DLC1: variants seen among roughly 807,000 people sequenced by gnomAD.
DLC1 encodes rho GTPase-activating protein 7.
In DLC1, 54 loss-of-function variants were observed where a neutral mutation model predicts 140.3. That is an observed-to-expected ratio of 0.38 (90% CI 0.31 to 0.48). The LOEUF (loss-of-function observed/expected upper bound fraction) is 0.48. Among genes scored for constraint, DLC1 ranks in the 20% least tolerant of loss-of-function variants. DLC1 has a pLI of 0.96. For synonymous variants in DLC1, 986 were observed against 728.1 expected (o/e 1.35, Z -5.70); for missense variants, 2,536 against 1,907.0 (o/e 1.33, Z -6.14).
At chr8:13,418,950 C>G (rs893566029) in intron 2 of DLC1, among the ~76,000 whole-genome samples, 1 of 151,600 alleles carries the variant, frequency 6.6e-6, no homozygotes. Flanking sequence ...AGTTGGATTC[C>G]TAAGTATTTT....
intron 2 of DLC1, among the ~76,000 whole-genome samples, chr8:13,416,071 C>G (rs1838042222): frequency 6.6e-6 from 1 of 152,136 alleles, no homozygotes; most frequent in African/African-American, 2.4e-5. Flanking sequence ...AGCTGAGGGT[C>G]ATTTCTTTTT....
intron 5 of DLC1, among the ~76,000 whole-genome samples, chr8:13,213,690 G>C (rs1372697380): frequency 6.6e-6 from 1 of 151,964 alleles, no homozygotes; most frequent in Non-Finnish European, 1.5e-5. Context: ...CATGTCTGCT[G>C]TATGGACCCA....
chr8:13,299,396 C>T (rs538370932), intron 5 of DLC1, among the ~76,000 whole-genome samples: 1 of 148,910 alleles, frequency 6.7e-6, no homozygotes, highest in Non-Finnish European at 1.5e-5. Flanking sequence ...TGCAGTGAGT[C>T]GAGACCGTGT....
chr8:13,531,654 A>G (rs1347226089), intron 1 of DLC1, among the ~76,000 whole-genome samples: 1 of 152,130 alleles, frequency 6.6e-6, no homozygotes, highest in African/African-American at 2.4e-5. Flanking sequence ...TAACATTAAT[A>G]ATAGGTGGAA....
At chr8:13,258,961 C>G (rs1407714859) in intron 5 of DLC1, among the ~76,000 whole-genome samples, 4 of 151,804 alleles carry the variant, frequency 2.6e-5, no homozygotes, top group Non-Finnish European at 5.9e-5. Flanking sequence ...CACGGTGAAA[C>G]CCCATCTCTA....
At chr8:13,303,473 G>T (rs1474358630) in intron 5 of DLC1, among the ~76,000 whole-genome samples, 1 of 152,082 alleles carries the variant, frequency 6.6e-6, no homozygotes, top group Non-Finnish European at 1.5e-5. Flanking sequence ...AAAGGTAGTG[G>T]TTACATTATA....
intron 5 of DLC1, among the ~76,000 whole-genome samples, chr8:13,138,201 T>A (rs753506613): frequency 1.2e-4 from 19 of 152,242 alleles, no homozygotes; most frequent in Non-Finnish European, 2.5e-4. Flanking sequence ...TTGACCCTAG[T>A]GGGATGTTGA....
At chr8:13,233,152 G>T (rs1747802310) in intron 5 of DLC1, among the ~76,000 whole-genome samples, 1 of 151,886 alleles carries the variant, frequency 6.6e-6, no homozygotes, top group South Asian at 2.1e-4. Flanking sequence ...AAAATTAGCT[G>T]GGTGTGGTGG....
intron 4 of DLC1, among the ~76,000 whole-genome samples, chr8:13,356,713 A>G (rs980912606): frequency 1.3e-5 from 2 of 152,188 alleles, no homozygotes; most frequent in Admixed American, 1.3e-4. Flanking sequence ...GCTTTAATAA[A>G]TGATTTCCAA....
At chr8:13,129,308 C>T (rs73208917) in intron 5 of DLC1, among the ~76,000 whole-genome samples, 2,196 of 152,302 alleles carry the variant, frequency 0.014, 24 homozygotes, top group Non-Finnish European at 0.024. Context: ...TGTGAAAGTG[C>T]TCCAGAAAAG....
chr8:13,183,858 T>A (rs909078006), intron 5 of DLC1, among the ~76,000 whole-genome samples: 7 of 152,224 alleles, frequency 4.6e-5, no homozygotes, highest in African/African-American at 1.7e-4. Context: ...ATTCCCTCTT[T>A]TCTATCGATT....
chr8:13,547,353 C>G (rs1298939300), intron 1 of DLC1, among the ~76,000 whole-genome samples: 2 of 151,914 alleles, frequency 1.3e-5, no homozygotes, highest in African/African-American at 2.4e-5. Context: ...AAGAGGGGTT[C>G]TCTTGTAATG....
At chr8:13,138,828 A>G (rs1219717688) in intron 5 of DLC1, among the ~76,000 whole-genome samples, 1 of 152,206 alleles carries the variant, frequency 6.6e-6, no homozygotes, top group Non-Finnish European at 1.5e-5. Context: ...AGGATGAAGA[A>G]AGAGGAGAAT....
intron 5 of DLC1, among the ~76,000 whole-genome samples, chr8:13,176,529 A>G (rs1307318003): frequency 6.6e-6 from 1 of 152,178 alleles, no homozygotes; most frequent in Non-Finnish European, 1.5e-5. Context: ...CAGTGAGCCA[A>G]GATTGTGCCA....
chr8:13,451,037 CAAAAAAAAA>C (rs1169620786), intron 2 of DLC1, among the ~76,000 whole-genome samples: 69 of 18,348 alleles, frequency 3.8e-3, no homozygotes, highest in South Asian at 0.011. Context: ...GACTCCGTCT[CAAAAAAAAA>C]AAAAAAAAAA....
At chr8:13,538,494 A>G (rs1352081347) in intron 1 of DLC1, among the ~76,000 whole-genome samples, 5 of 152,060 alleles carry the variant, frequency 3.3e-5, no homozygotes, top group African/African-American at 1.2e-4. Flanking sequence ...ATGCCGAGAT[A>G]AGCTGTGTCT....
intron 2 of DLC1, among the ~76,000 whole-genome samples, chr8:13,485,507 T>C (rs1021929513): frequency 6.6e-6 from 1 of 152,190 alleles, no homozygotes; most frequent in Non-Finnish European, 1.5e-5. Context: ...TGCACAGCCA[T>C]GTTTTTAAAA....
intron 2 of DLC1, among the ~76,000 whole-genome samples, chr8:13,452,767 G>A (rs887876751): frequency 2.0e-5 from 3 of 152,042 alleles, no homozygotes; most frequent in Admixed American, 6.6e-5. Context: ...TTAGTTTCAG[G>A]GTTAGTTTAA....
At chr8:13,345,529 T>C (rs1223788600) in intron 4 of DLC1, among the ~76,000 whole-genome samples, 2 of 147,800 alleles carry the variant, frequency 1.4e-5, no homozygotes, top group African/African-American at 5.0e-5. Flanking sequence ...GACGATTATC[T>C]GAAATTTTTC....
Sources: gnomAD v4.1 joint callset for allele counts (sites outside exome capture counted in the v4.1 genomes callset) on GRCh38, gnomAD v4.1.1 for gene constraint, MANE v1.5 for transcripts, NCBI Gene and HGNC (gene_info 2026-07-23, HGNC 2026-07-21) for gene names.